The following TAFA5 variants were observed in gnomAD, a reference collection of about 807,000 sequenced individuals.
The protein encoded by TAFA5 is chemokine-like protein TAFA-5.
A neutral mutation model predicts 15.3 loss-of-function variants in TAFA5; 6 were observed. The observed-to-expected ratio is 0.39, with a 90% CI of 0.21 to 0.77. The LOEUF is 0.77. Among genes scored for constraint, TAFA5 ranks in the 30% least tolerant of loss-of-function variants. TAFA5 has a pLI of 0.41. For synonymous variants in TAFA5, 103 were observed against 80.7 expected (o/e 1.28, Z -1.48); for missense variants, 161 against 193.1 (o/e 0.83, Z 0.98).
chr22:48,519,360 G>A (rs751007317), intron 1 of TAFA5, among the ~76,000 whole-genome samples: 3 of 152,198 alleles, frequency 2.0e-5, no homozygotes, highest in South Asian at 2.1e-4. Flanking sequence ...TCTGTTTATC[G>A]CGCAATCGCG....
chr22:48,639,192 C>T (rs934964503), intron 1 of TAFA5, among the ~76,000 whole-genome samples: 81 of 152,144 alleles, frequency 5.3e-4, no homozygotes, highest in Admixed American at 7.2e-4. Flanking sequence ...GGCGGCCCCA[C>T]GGCGCCTCCT....
At chr22:48,576,012 C>T (rs1314892595) in intron 1 of TAFA5, among the ~76,000 whole-genome samples, 1 of 72,600 alleles carries the variant, frequency 1.4e-5, no homozygotes, top group African/African-American at 7.1e-5. Flanking sequence ...GGCCGACAGG[C>T]GGAGGAGGGG....
At chr22:48,558,470 C>T (rs1054540470) in intron 1 of TAFA5, among the ~76,000 whole-genome samples, 4 of 152,178 alleles carry the variant, frequency 2.6e-5, no homozygotes, top group African/African-American at 9.7e-5. Context: ...AGATTCCTTA[C>T]AGGGACGTAT....
At chr22:48,719,456 C>G (rs1259199149) in intron 3 of TAFA5, among the ~76,000 whole-genome samples, 1 of 152,124 alleles carries the variant, frequency 6.6e-6, no homozygotes, top group Non-Finnish European at 1.5e-5. Context: ...GCTGCGATGG[C>G]CAGGGGAGAG....
chr22:48,525,549 C>T (rs375766319), intron 1 of TAFA5, among the ~76,000 whole-genome samples: 87 of 152,342 alleles, frequency 5.7e-4, no homozygotes, highest in African/African-American at 1.9e-3. Flanking sequence ...CCTTCCCACT[C>T]GGTGGCCCAG....
In TAFA5 at chr22:48,489,735, G is replaced by A. The variant is rs768505748; in HGVS notation, c.112+31G>A. The A allele has an allele frequency of 4.6e-6, 6 of 1,317,438 alleles. No homozygotes were observed. The highest frequency in any genetic ancestry group is 6.0e-6 in the Non-Finnish European group (6 of 1,003,870). The allele number at this position is 1,317,438 out of a possible 1,614,324, so 81.6% of individuals were successfully genotyped here. The stretch of plus-strand genomic sequence containing the variant: ...TACCGCGCGGCCCCGGCCCCGGCAC[G>A]GCCCTCTGGGCCCCGGACCCCCTCC... On this transcript the variant is annotated intron_variant, in intron 1 of 3. Transcript: ENST00000402357. The surrounding 1 kb of genome is among the most constrained non-coding windows in gnomAD (Gnocchi z 5.5).
At position 48,739,317 on chromosome 22, in the gene TAFA5, G is replaced by C. The variant is rs188806719; in HGVS notation, c.391-10522G>C. ...CTATTTAACCAACCAAGAAATATGT[G>C]TTCTTACAGCTTAGCAACTTGCAGA... On this transcript the variant is annotated intron_variant, in intron 3 of 3. Coordinates refer to ENST00000402357, the MANE Select transcript of TAFA5 (RefSeq NM_001082967.3). Among the ~76,000 whole-genome samples, 765 of 152,260 alleles carry C rather than the reference G, an allele frequency of 5.0e-3. 2 individuals are homozygous for C. Among genetic ancestry groups the C allele is most frequent in the Non-Finnish European group, 8.9e-3 (605 of 68,020 alleles).
chr22:48,686,471 C>A (rs892574418), intron 2 of TAFA5, among the ~76,000 whole-genome samples: 1 of 152,232 alleles, frequency 6.6e-6, no homozygotes, highest in Non-Finnish European at 1.5e-5. Flanking sequence ...GAGGGCTCCA[C>A]TCTTATGGCC....
At chr22:48,619,704 C>T (rs753295424) in intron 1 of TAFA5, among the ~76,000 whole-genome samples, 8 of 152,238 alleles carry the variant, frequency 5.3e-5, no homozygotes, top group Non-Finnish European at 7.3e-5. Context: ...GCGTCAGGAC[C>T]GGACTCAGGG....
intron 3 of TAFA5, among the ~76,000 whole-genome samples, chr22:48,740,109 G>A (rs1010473423): frequency 2.0e-5 from 3 of 152,200 alleles, no homozygotes; most frequent in Admixed American, 2.0e-4. Context: ...ACAGGGAGGA[G>A]CTCACGCTGC....
At chr22:48,504,138 G>T (rs1312729199) in intron 1 of TAFA5, among the ~76,000 whole-genome samples, 2 of 152,178 alleles carry the variant, frequency 1.3e-5, no homozygotes, top group African/African-American at 4.8e-5. Flanking sequence ...CGAGCTTTAG[G>T]GGTGCGGGCT....
chr22:48,570,356 C>G (rs1345143852), intron 1 of TAFA5, among the ~76,000 whole-genome samples: 1 of 152,208 alleles, frequency 6.6e-6, no homozygotes, highest in Non-Finnish European at 1.5e-5. Context: ...ACAAGGGTAT[C>G]TCAAATCGCA....
chr22:48,640,128 C>T (rs1306068969), intron 1 of TAFA5, among the ~76,000 whole-genome samples: 7 of 152,220 alleles, frequency 4.6e-5, no homozygotes, highest in African/African-American at 9.6e-5. Flanking sequence ...CCAGGCTCTT[C>T]GGCTCTTTGG....
At chr22:48,650,870 G>C (rs575005900) in intron 2 of TAFA5, among the ~76,000 whole-genome samples, 1 of 152,178 alleles carries the variant, frequency 6.6e-6, no homozygotes, top group African/African-American at 2.4e-5. Context: ...GGCTGGCCAG[G>C]CCCTGCTTCT....
At chr22:48,612,774 C>T (rs577353009) in intron 1 of TAFA5, among the ~76,000 whole-genome samples, 25 of 152,338 alleles carry the variant, frequency 1.6e-4, no homozygotes, top group Admixed American at 8.5e-4. Flanking sequence ...GGGGGTCTCT[C>T]CTGATGTGCC....
chr22:48,593,314 A>G (rs1241931503), intron 1 of TAFA5, among the ~76,000 whole-genome samples: 2 of 152,148 alleles, frequency 1.3e-5, no homozygotes, highest in East Asian at 3.9e-4. Flanking sequence ...TCCATTTTGC[A>G]GATGGGGAAA....
rs562405091 is a variant in TAFA5 at position 48,677,426 on chromosome 22, C to G, written c.263-30291C>G. ...CCGGGCCACGCGATTGCAGAAGGGA[C>G]ATGTATCCAGGCTGTAGTGACCTTC... On this transcript the variant is annotated intron_variant, in intron 2 of 3. Coordinates refer to ENST00000402357, the MANE Select transcript of TAFA5 (RefSeq NM_001082967.3). Among the ~76,000 whole-genome samples the G allele has an allele frequency of 2.6e-5, 4 of 152,340 alleles. No individual in the cohort carries two copies. The South Asian group carries it at 8.3e-4, about 32-fold the overall frequency.
intron 2 of TAFA5, among the ~76,000 whole-genome samples, chr22:48,680,353 T>C (rs761776929): frequency 1.3e-5 from 2 of 152,198 alleles, no homozygotes; most frequent in Non-Finnish European, 2.9e-5. Flanking sequence ...GAGGAGACTT[T>C]AGTGCACAGC....
At position 48,633,601 on chromosome 22, in the gene TAFA5, C is replaced by T. The variant is rs534739425; in HGVS notation, c.113-12996C>T. On this transcript the variant is annotated intron_variant, in intron 1 of 3. Transcript: ENST00000402357. ...CTCTGTATCTCTCTCTTTTCCCTCT[C>T]TCTGCATCTTTCTTGGTGCAAATTC... 2.0e-4 allele frequency among the ~76,000 whole-genome samples: 31 copies of T among 151,680 alleles called. 1 individual carries two copies. Among genetic ancestry groups the T allele is most frequent in the African/African-American group, 6.8e-4 (28 of 41,310 alleles).
Sources: allele counts gnomAD v4.1 joint callset (sites outside exome capture counted in the v4.1 genomes callset), GRCh38; gene constraint gnomAD v4.1.1; non-coding constraint Gnocchi (gnomAD v3.1); transcripts MANE v1.5; gene names NCBI Gene and HGNC (gene_info 2026-07-23, HGNC 2026-07-21).